Variants in MTA3 observed in about 807,000 individuals in gnomAD.
MTA3 encodes the protein metastasis associated 1 family member 3.
Under a neutral mutation model 83.5 loss-of-function variants are expected in MTA3, and 34 were observed. The observed-to-expected ratio is 0.41, with a 90% CI of 0.31 to 0.54. MTA3 has a LOEUF of 0.54. Among genes scored for constraint, MTA3 ranks in the 20% least tolerant of loss-of-function variants. The pLI, the probability that MTA3 is intolerant of heterozygous loss-of-function variation, is 0.33. For missense variants in MTA3, 761 were observed against 726.4 expected (o/e 1.05, Z -0.55); for synonymous variants, 303 against 252.7 (o/e 1.20, Z -1.89).
intron 4 of MTA3, among the ~76,000 whole-genome samples, chr2:42,618,570 G>A (rs571983604): frequency 5.9e-5 from 9 of 152,136 alleles, no homozygotes; most frequent in African/African-American, 1.7e-4. Context: ...ATTGCATTGC[G>A]CAGAAGTACT....
At chr2:42,549,222 A>G (rs1676955749) in intron 2 of MTA3, among the ~76,000 whole-genome samples, 1 of 135,500 alleles carries the variant, frequency 7.4e-6, no homozygotes, top group Admixed American at 8.7e-5. Context: ...ATATTTGTAT[A>G]TATTATATAT....
intron 2 of MTA3, among the ~76,000 whole-genome samples, chr2:42,547,958 TAAA>T (rs1307832131): frequency 6.6e-6 from 1 of 152,198 alleles, no homozygotes; most frequent in Non-Finnish European, 1.5e-5. Context: ...AGGACTCAAA[TAAA>T]GAAGTACGGA....
At chr2:42,496,834 A>G (rs1197588851) in intron 2 of MTA3, among the ~76,000 whole-genome samples, 4 of 152,044 alleles carry the variant, frequency 2.6e-5, no homozygotes, top group Non-Finnish European at 5.9e-5. Context: ...GTTCTTTCCT[A>G]TCTCTATGAA....
At chr2:42,603,158 C>G (rs1682798796) in intron 3 of MTA3, among the ~76,000 whole-genome samples, 1 of 148,894 alleles carries the variant, frequency 6.7e-6, no homozygotes, top group Admixed American at 6.7e-5. Flanking sequence ...GAACACAGGT[C>G]CTTGTTAAAA....
chr2:42,537,561 A>G (rs999942363), intron 2 of MTA3, among the ~76,000 whole-genome samples: 15 of 151,096 alleles, frequency 9.9e-5, no homozygotes, highest in Non-Finnish European at 1.9e-4. Flanking sequence ...GTGAAACTCC[A>G]TCTCAAAAAA....
At chr2:42,500,811 C>CTTTT (rs1177557640) in intron 2 of MTA3, among the ~76,000 whole-genome samples, 2 of 133,168 alleles carry the variant, frequency 1.5e-5, no homozygotes, top group African/African-American at 2.8e-5. Flanking sequence ...CTTTATGAAG[C>CTTTT]TTTTTTTTTT....
chr2:42,515,955 T>C (rs562251362), intron 2 of MTA3, among the ~76,000 whole-genome samples: 2 of 151,626 alleles, frequency 1.3e-5, no homozygotes, highest in East Asian at 1.9e-4. Flanking sequence ...ATTCTCCTGC[T>C]TCAGCCTCCT....
At chr2:42,686,724 G>C (rs1431782882) in intron 9 of MTA3, among the ~76,000 whole-genome samples, 11 of 152,114 alleles carry the variant, frequency 7.2e-5, no homozygotes, top group Non-Finnish European at 1.5e-5. Context: ...TTACTCGATA[G>C]ACTGAGGCAG....
intron 16 of MTA3, among the ~76,000 whole-genome samples, chr2:42,729,982 A>G (rs1043365561): frequency 6.6e-6 from 1 of 152,120 alleles, no homozygotes; most frequent in Non-Finnish European, 1.5e-5. Context: ...TCAGTGGTTT[A>G]TAGTTTTCAT....
intron 2 of MTA3, among the ~76,000 whole-genome samples, chr2:42,510,997 T>G (rs1674872557): frequency 6.6e-6 from 1 of 152,136 alleles, no homozygotes; most frequent in Non-Finnish European, 1.5e-5. Flanking sequence ...AGTTTAGGAG[T>G]TAGCTTTCAA....
At chr2:42,714,299 T>C (rs1173324395) in intron 14 of MTA3, among the ~76,000 whole-genome samples, 1 of 152,204 alleles carries the variant, frequency 6.6e-6, no homozygotes, top group Non-Finnish European at 1.5e-5. Context: ...TGATATGTGA[T>C]ACAAATAGTT....
intron 4 of MTA3, among the ~76,000 whole-genome samples, chr2:42,635,856 C>T (rs557820388): frequency 6.6e-6 from 1 of 152,110 alleles, no homozygotes; most frequent in African/African-American, 2.4e-5. Flanking sequence ...ACCTCCTTCT[C>T]CCAGGTTCAA....
chr2:42,606,937 C>T (rs1020281194), intron 3 of MTA3, among the ~76,000 whole-genome samples: 5 of 149,582 alleles, frequency 3.3e-5, no homozygotes, highest in Admixed American at 1.3e-4. Flanking sequence ...GGCGTGGCGG[C>T]GCGTGCCTGC....
At chr2:42,707,373 A>C (rs751766115) in intron 12 of MTA3, among the ~76,000 whole-genome samples, 3 of 151,944 alleles carry the variant, frequency 2.0e-5, no homozygotes, top group Non-Finnish European at 4.4e-5. Flanking sequence ...CCTACCGAGT[A>C]GCTAGGACTA....
intron 3 of MTA3, among the ~76,000 whole-genome samples, chr2:42,604,224 G>A (rs539508987): frequency 6.6e-6 from 1 of 151,910 alleles, no homozygotes; most frequent in South Asian, 2.1e-4. Context: ...TGTACTTTTA[G>A]TAGAGATGGG....
intron 2 of MTA3, among the ~76,000 whole-genome samples, chr2:42,537,532 T>G (rs1038850468): frequency 6.6e-6 from 1 of 150,954 alleles, no homozygotes; most frequent in Non-Finnish European, 1.5e-5. Flanking sequence ...GCCATTGCAC[T>G]CCAGCCTGGA....
chr2:42,654,745 G>T (rs1162879771), intron 6 of MTA3, among the ~76,000 whole-genome samples: 12 of 152,108 alleles, frequency 7.9e-5, no homozygotes, highest in Non-Finnish European at 1.5e-5. Flanking sequence ...TTCCTGAGTA[G>T]TTATAACTAC....
intron 9 of MTA3, among the ~76,000 whole-genome samples, chr2:42,683,547 A>G (rs1273371015): frequency 6.6e-6 from 1 of 152,186 alleles, no homozygotes; most frequent in African/African-American, 2.4e-5. Context: ...ATTGTCATAT[A>G]TAATAATTAT....
intron 16 of MTA3, among the ~76,000 whole-genome samples, chr2:42,729,847 A>G (rs918994512): frequency 1.3e-5 from 2 of 152,150 alleles, no homozygotes; most frequent in African/African-American, 2.4e-5. Flanking sequence ...TGGTATTTTG[A>G]TAGGCATTGC....
Sources: gnomAD v4.1 joint callset for allele counts (sites outside exome capture counted in the v4.1 genomes callset) on GRCh38, gnomAD v4.1.1 for gene constraint, MANE v1.5 for transcripts, NCBI Gene and HGNC (gene_info 2026-07-23, HGNC 2026-07-21) for gene names.